The following PRKCE variants were observed in gnomAD, a reference collection of about 807,000 sequenced individuals.
PRKCE encodes the protein protein kinase C epsilon.
A neutral mutation model predicts 85.4 loss-of-function variants in PRKCE; 16 were observed. That is an observed-to-expected ratio of 0.19 (90% CI 0.13 to 0.28). The LOEUF (loss-of-function observed/expected upper bound fraction) is 0.28. Among genes scored for constraint, PRKCE ranks in the 10% least tolerant of loss-of-function variants. PRKCE has a pLI of 1.00. For missense variants in PRKCE, 573 were observed against 975.2 expected, an observed-to-expected ratio of 0.59 and a Z score of 5.49; for synonymous variants, 388 against 371.5, an observed-to-expected ratio of 1.04 and a Z score of -0.51.
rs537599833 is a variant in PRKCE, at chr2:45,971,138, G to T, written c.413-5291G>T. The stretch of plus-strand genomic sequence containing the variant: ...AGGACTTACTCATCTTGCATAACTG[G>T]AACTTGGTGCCCTTTTACTAGTATC... On this transcript the variant is annotated intron_variant, in intron 2 of 14. Transcript: ENST00000306156. 2.0e-5 allele frequency among the ~76,000 whole-genome samples: 3 copies of T among 152,190 alleles called. No homozygotes were observed. In the South Asian group the frequency reaches 6.2e-4, roughly 32 times the overall value.
chr2:45,899,705 C>T (rs539920329), intron 2 of PRKCE, among the ~76,000 whole-genome samples: 57 of 152,290 alleles, frequency 3.7e-4, no homozygotes, highest in African/African-American at 1.3e-3. Context: ...TAATGGCCAA[C>T]ACCATAGTTC....
chr2:46,032,016 A>G (rs1389357168), intron 10 of PRKCE, among the ~76,000 whole-genome samples: 1 of 152,242 alleles, frequency 6.6e-6, no homozygotes, highest in East Asian at 1.9e-4. Context: ...TCCAGCAAAT[A>G]TTAACAATGC....
chr2:45,876,427 G>A (rs867584142), intron 2 of PRKCE, among the ~76,000 whole-genome samples: 2 of 152,256 alleles, frequency 1.3e-5, no homozygotes, highest in Middle Eastern at 3.4e-3. Context: ...GTACTTAAAA[G>A]CACTAGCTCT....
intron 2 of PRKCE, among the ~76,000 whole-genome samples, chr2:45,848,647 T>C (rs72801045): frequency 0.022 from 3,306 of 152,266 alleles, 62 homozygotes; most frequent in Middle Eastern, 0.041. Flanking sequence ...CAGCTTTGTG[T>C]CTGTGCTGGG....
intron 1 of PRKCE, among the ~76,000 whole-genome samples, chr2:45,681,358 A>C (rs1417172263): frequency 6.7e-6 from 1 of 148,266 alleles, no homozygotes; most frequent in Non-Finnish European, 1.5e-5. Flanking sequence ...TCCTGGTGGG[A>C]AGTAATTGTG....
rs117649748 is a variant in PRKCE at position 46,064,625 on chromosome 2, A to C, written c.1438-21583A>C. ...ATTAGATAGAAGAAGAATTAGGGAG[A>C]TACAAAGAAGCATTTTCTAAGCATA... is the stretch of plus-strand genomic sequence containing the variant. On this transcript the variant is annotated intron_variant, in intron 10 of 14. Transcript: ENST00000306156. Among the ~76,000 whole-genome samples, 193 of 152,364 alleles carry C rather than the reference A, an allele frequency of 1.3e-3. 1 individual carries two copies. In the East Asian group the frequency reaches 0.015, roughly 12 times the overall value.
intron 2 of PRKCE, among the ~76,000 whole-genome samples, chr2:45,939,855 C>G (rs966079616): frequency 2.0e-5 from 3 of 152,166 alleles, no homozygotes; most frequent in Non-Finnish European, 2.9e-5. Context: ...GCCTGGCCCG[C>G]TAATGCACTT....
rs113619343 is a variant in PRKCE, at chr2:45,809,880, C to CAA, written c.349-33108_349-33107dup. Among the ~76,000 whole-genome samples the CAA allele has an allele frequency of 9.1e-3, 1,161 of 127,530 alleles. 17 individuals carry two copies. Among genetic ancestry groups the CAA allele is most frequent in the African/African-American group, 0.031 (1,090 of 34,992 alleles). The allele number at this position is 127,530 out of a possible 152,430, so 83.7% of individuals were successfully genotyped here. ...GGGCAACAAGAGTGAGACTCCATCT[C>CAA]AAAAAAAAAAAAAGTCTGGGTACAA... On this transcript the variant is annotated intron_variant, in intron 1 of 14. Transcript: ENST00000306156.
At chr2:45,870,519 G>A (rs1694006948) in intron 2 of PRKCE, among the ~76,000 whole-genome samples, 1 of 152,204 alleles carries the variant, frequency 6.6e-6, no homozygotes, top group South Asian at 2.1e-4. Flanking sequence ...CACATTCAGG[G>A]GTTTTGTTGT....
intron 1 of PRKCE, among the ~76,000 whole-genome samples, chr2:45,707,316 A>G (rs1252558923): frequency 1.3e-5 from 2 of 152,256 alleles, no homozygotes; most frequent in African/African-American, 4.8e-5. Context: ...GTCCTAGCCA[A>G]GATTGTAATT....
intron 1 of PRKCE, among the ~76,000 whole-genome samples, chr2:45,742,742 TA>T (rs1302092285): frequency 6.6e-6 from 1 of 152,190 alleles, no homozygotes; most frequent in Admixed American, 6.5e-5. Context: ...GAGGTTCCTT[TA>T]AAAATCAGAG....
At chr2:45,908,863 C>A (rs969207191) in intron 2 of PRKCE, among the ~76,000 whole-genome samples, 1 of 152,130 alleles carries the variant, frequency 6.6e-6, no homozygotes, top group South Asian at 2.1e-4. Context: ...ACAGGCTGTA[C>A]AGTGGGCAGA....
At chr2:46,101,880 A>C (rs1434588127) in intron 11 of PRKCE, among the ~76,000 whole-genome samples, 2 of 115,910 alleles carry the variant, frequency 1.7e-5, no homozygotes, top group African/African-American at 5.6e-5. Context: ...AAAAAAAAAA[A>C]AAACCCAAAA....
chr2:46,112,174 T>G (rs931992056), intron 11 of PRKCE, among the ~76,000 whole-genome samples: 1 of 152,234 alleles, frequency 6.6e-6, no homozygotes, highest in African/African-American at 2.4e-5. Flanking sequence ...TTTCTTTGTT[T>G]TGAAGTCGTC....
chr2:45,970,561 G>A (rs555656352), intron 2 of PRKCE, among the ~76,000 whole-genome samples: 1 of 152,202 alleles, frequency 6.6e-6, no homozygotes, highest in East Asian at 1.9e-4. Flanking sequence ...AACAGTAAAG[G>A]AGACTGTTCT....
At chr2:46,090,778 T>C (rs1282523407) in intron 11 of PRKCE, among the ~76,000 whole-genome samples, 3 of 145,472 alleles carry the variant, frequency 2.1e-5, no homozygotes, top group African/African-American at 5.1e-5. Flanking sequence ...CTATATGAGG[T>C]TGATGGAGAA....
Position 46,151,165 on chromosome 2 carries a change from T to C in PRKCE, c.1856T>C (p.Ile619Thr). 2 of 1,599,494 alleles carry C rather than the reference T, an allele frequency of 1.3e-6. No individual in the cohort carries two copies. Among genetic ancestry groups the C allele is most frequent in the Non-Finnish European group, 1.7e-6 (2 of 1,179,924 alleles). Reference sequence around the variant, plus strand: ...AATGAGGACGACCTATTTGAGTCCATCCTCCATGACGACGTGCTGTACCCA... The same window carrying C: ...AATGAGGACGACCTATTTGAGTCCACCCTCCATGACGACGTGCTGTACCCA... Reference protein sequence around the residue: ...ADNEDDLFESILHDDVLYPVW... With the variant: ...ADNEDDLFESTLHDDVLYPVW... Residue 619 changes from isoleucine (I) to threonine (T), a missense_variant, in exon 13 of 15, where the codon ATC becomes ACC. Ile to Thr is a moderately conservative substitution (Grantham distance 89). Around this residue, in one of 11 missense-constraint regions of PRKCE, gnomAD observed 72 missense variants for 166.0 expected, o/e 0.43. Coordinates refer to ENST00000306156, the MANE Select transcript of PRKCE (RefSeq NM_005400.3).
chr2:46,174,948 C>A (rs1679282037), intron 14 of PRKCE, among the ~76,000 whole-genome samples: 1 of 152,072 alleles, frequency 6.6e-6, no homozygotes, highest in Non-Finnish European at 1.5e-5. Flanking sequence ...ACCTTGTCCA[C>A]CAGAAGTGCT....
intron 10 of PRKCE, among the ~76,000 whole-genome samples, chr2:46,035,872 C>T (rs921914854): frequency 1.3e-5 from 2 of 152,322 alleles, no homozygotes; most frequent in African/African-American, 4.8e-5. Flanking sequence ...AACAAAAGAG[C>T]TGGAAACCTG....
Sources: gnomAD v4.1 joint callset for allele counts (sites outside exome capture counted in the v4.1 genomes callset) on GRCh38, gnomAD v4.1.1 for gene constraint, gnomAD v4.1.1 regional missense constraint, MANE v1.5 for transcripts, NCBI Gene and HGNC (gene_info 2026-07-23, HGNC 2026-07-21) for gene names.